Variants in ZNF563 observed in about 807,000 individuals in gnomAD.
The protein encoded by ZNF563 is zinc finger protein 563.
ZNF563 carries 39 observed loss-of-function variants against 48.5 expected under a neutral mutation model. That is an observed-to-expected ratio of 0.80 (90% CI 0.62 to 1.05). The LOEUF (loss-of-function observed/expected upper bound fraction) is 1.05, where lower values mean the gene tolerates loss of function less well. ZNF563 is among the 50% of genes least tolerant of loss of function. The probability of loss-of-function intolerance (pLI) is 0.00; values close to 1 mark genes in which losing one functional copy is unlikely to be tolerated. For missense variants in ZNF563, 538 were observed against 597.0 expected (o/e 0.90, Z 1.03); for synonymous variants, 168 against 187.9 (o/e 0.89, Z 0.87).
chr19:12,327,651 C>A (rs955556696), intron 1 of ZNF563, among the ~76,000 whole-genome samples: 4 of 151,666 alleles, frequency 2.6e-5, no homozygotes, highest in African/African-American at 4.8e-5. Flanking sequence ...AAATACAAAG[C>A]CTAGCAATGT....
chr19:12,342,356 T>C, the ZNF563 span, among the ~76,000 whole-genome samples: 1 of 150,574 alleles, frequency 6.6e-6, no homozygotes, highest in Non-Finnish European at 1.5e-5. Flanking sequence ...AATAAAACTA[T>C]AATTATTGGA....
At chr19:12,328,170 C>T (rs1292134033) in intron 1 of ZNF563, among the ~76,000 whole-genome samples, 2 of 152,174 alleles carry the variant, frequency 1.3e-5, no homozygotes, top group Admixed American at 1.3e-4. Flanking sequence ...AGCCATAACA[C>T]ACACTAGAAC....
intron 1 of ZNF563, among the ~76,000 whole-genome samples, chr19:12,329,566 A>C (rs1968875630): frequency 6.6e-6 from 1 of 152,188 alleles, no homozygotes; most frequent in South Asian, 2.1e-4. Flanking sequence ...AGCATAGTTA[A>C]CACAGAAAAA....
At chr19:12,339,829 G>A in the ZNF563 span, among the ~76,000 whole-genome samples, 1 of 152,112 alleles carries the variant, frequency 6.6e-6, no homozygotes, top group East Asian at 1.9e-4. Context: ...GAAGCTCAAC[G>A]AACTCTAAGT....
In ZNF563 at chr19:12,325,872, G is replaced by C. The variant is rs180733443; in HGVS notation, c.4-3161C>G. On this transcript the variant is annotated intron_variant, in intron 1 of 3. Coordinates refer to ENST00000293725, the MANE Select transcript of ZNF563 (RefSeq NM_145276.3). ...ACAAATGAACACAAGCTAAAGAACAGAGACTTCAGTGTGTACATCAGATAG... is the reference window on the plus strand; with the variant it reads ...ACAAATGAACACAAGCTAAAGAACACAGACTTCAGTGTGTACATCAGATAG... Among the ~76,000 whole-genome samples the C allele has an allele frequency of 7.2e-5, 11 of 152,316 alleles. No homozygotes were observed. In the East Asian group the frequency reaches 2.1e-3, roughly 29 times the overall value.
At chr19:12,339,668 G>C in the ZNF563 span, among the ~76,000 whole-genome samples, 1 of 152,148 alleles carries the variant, frequency 6.6e-6, no homozygotes, top group African/African-American at 2.4e-5. Context: ...AGTCAGGTGA[G>C]ACATGTAGGA....
At chr19:12,340,545 G>A in the ZNF563 span, among the ~76,000 whole-genome samples, 1 of 152,110 alleles carries the variant, frequency 6.6e-6, no homozygotes, top group Non-Finnish European at 1.5e-5. Flanking sequence ...AGGACAAGGT[G>A]GGCGGATCAT....
upstream of ZNF563, among the ~76,000 whole-genome samples, chr19:12,335,696 G>T (rs1969012899): frequency 6.6e-6 from 1 of 152,198 alleles, no homozygotes; most frequent in South Asian, 2.1e-4. Context: ...TACTGAGAAG[G>T]AAGGAATGCA....
chr19:12,333,541 C>T lies in ZNF563; in HGVS notation c.-59G>A, dbSNP rs546310680. ...TCTGCCTCCCGCTGCCAGTGCGGGT[C>T]CCACTGTGACAGAGGCTGCCACAGA... On this transcript the variant is annotated 5_prime_UTR_variant, in exon 1 of 4. Coordinates refer to ENST00000293725, the MANE Select transcript of ZNF563 (RefSeq NM_145276.3). 1.2e-6 allele frequency: 2 copies of T among 1,608,292 alleles called. No homozygotes were observed. Among genetic ancestry groups the T allele is most frequent in the East Asian group, 2.2e-5 (1 of 44,774 alleles).
intron 1 of ZNF563, among the ~76,000 whole-genome samples, chr19:12,331,545 T>G (rs1316923953): frequency 6.6e-6 from 1 of 152,216 alleles, no homozygotes; most frequent in Non-Finnish European, 1.5e-5. Context: ...TGACCAGCCA[T>G]GTCTCCAAGA....
In ZNF563 at chr19:12,318,381, GT is replaced by G; in HGVS notation, c.*212del. On this transcript the variant is annotated 3_prime_UTR_variant, in exon 4 of 4. Coordinates refer to ENST00000293725, the MANE Select transcript of ZNF563 (RefSeq NM_145276.3). ...TTTTCTGCTCTGTGAGTTGTTTTAT[GT>G]TGACAATGGTGTTAAAAAAAAATCG... The G allele has an allele frequency of 1.7e-6, 1 of 587,316 alleles. No individual in the cohort carries two copies. The highest frequency in any genetic ancestry group is 2.9e-6 in the Non-Finnish European group (1 of 341,348). The allele number at this position is 587,316 out of a possible 1,614,324, so 36.4% of individuals were successfully genotyped here.
upstream of ZNF563, chr19:12,333,840 GGCACAGCCCTTGACAGGGCAGGCTT>G (rs1307068513): frequency 2.2e-5 from 7 of 318,620 alleles, no homozygotes; most frequent in Non-Finnish European, 4.0e-5. Context: ...ACGAGTTCCA[GGCACAGCCCTTGACAGGGCAGGCTT>G]CCTCCCTGTG....
intron 1 of ZNF563, among the ~76,000 whole-genome samples, chr19:12,325,634 T>C (rs1046858744): frequency 2.6e-5 from 4 of 152,210 alleles, no homozygotes; most frequent in African/African-American, 9.6e-5. Context: ...TCATAGAAGA[T>C]GTGAGGAGAC....
chr19:12,334,368 C>G (rs1168892813), upstream of ZNF563, among the ~76,000 whole-genome samples: 4 of 152,022 alleles, frequency 2.6e-5, no homozygotes, highest in East Asian at 7.7e-4. Flanking sequence ...ACGTCCCATT[C>G]AGGAGGCTAA....
upstream of ZNF563, among the ~76,000 whole-genome samples, chr19:12,335,867 C>T (rs1969015015): frequency 6.6e-6 from 1 of 152,234 alleles, no homozygotes; most frequent in Non-Finnish European, 1.5e-5. Flanking sequence ...CTTTGTATCT[C>T]TGGGTCTTCA....
chr19:12,324,857 T>C lies in ZNF563; in HGVS notation c.4-2146A>G, dbSNP rs1485421013. On this transcript the variant is annotated intron_variant, in intron 1 of 3. Coordinates refer to ENST00000293725, the MANE Select transcript of ZNF563 (RefSeq NM_145276.3). ...AGATAAACAAATAGATAAATAAAAG[T>C]GAAAAAATGGTAGAAAACCCTTATG... is the stretch of plus-strand genomic sequence containing the variant. The C allele has an allele frequency of 2.0e-5, 3 of 151,146 alleles. No individual in the cohort carries two copies. In the East Asian group the frequency reaches 5.8e-4, roughly 29 times the overall value. The allele number at this position is 151,146 out of a possible 1,614,324, so 9.4% of individuals were successfully genotyped here.
the ZNF563 span, among the ~76,000 whole-genome samples, chr19:12,339,684 T>C: frequency 2.6e-5 from 4 of 152,020 alleles, no homozygotes; most frequent in Non-Finnish European, 5.9e-5. Flanking sequence ...TAGGAGGGCA[T>C]TGAGCAGGCC....
At chr19:12,333,426 A>T in intron 1 of ZNF563, 54 bp downstream of exon 1, 1 of 1,608,538 alleles carries the variant, frequency 6.2e-7, no homozygotes, top group Non-Finnish European at 8.5e-7. Context: ...CCGGTTCTGG[A>T]CGGTTCCAAC....
chr19:12,333,719 A>G, upstream of ZNF563: 1 of 561,022 alleles, frequency 1.8e-6, no homozygotes, highest in East Asian at 3.1e-5. Context: ...CCTGATTGAC[A>G]GTTCTCACGA....
Sources: allele counts gnomAD v4.1 joint callset (sites outside exome capture counted in the v4.1 genomes callset), GRCh38; gene constraint gnomAD v4.1.1; transcripts MANE v1.5; gene names NCBI Gene and HGNC (gene_info 2026-07-23, HGNC 2026-07-21).